The following BANK1 variants were observed in gnomAD, a reference collection of about 807,000 sequenced individuals.
The protein encoded by BANK1 is B cell scaffold protein with ankyrin repeats 1, also known as B-cell scaffold protein with ankyrin repeats.
A neutral mutation model predicts 94.5 loss-of-function variants in BANK1; 95 were observed. The ratio of observed to expected loss-of-function variants is 1.00; its 90% CI spans 0.85 to 1.19. The LOEUF is 1.19. Among genes scored for constraint, BANK1 ranks in the 50% most tolerant of loss-of-function variants. BANK1 has a pLI of 0.00. For synonymous variants in BANK1, 334 were observed against 308.4 expected (o/e 1.08, Z -0.87); for missense variants, 987 against 932.2 (o/e 1.06, Z -0.77).
chr4:102,063,064 T>C lies in BANK1; in HGVS notation c.2149-11T>C. ...AAATCATAACTATGTCCTGGTTGTT[T>C]CCACATTAAGGAGAAATTACGACAA... On this transcript the variant is annotated splice_polypyrimidine_tract_variant and intron_variant, in intron 12 of 16. Transcript: ENST00000322953. 1 of 1,611,856 alleles carries C rather than the reference T, an allele frequency of 6.2e-7. No individual in the cohort carries two copies. Among genetic ancestry groups the C allele is most frequent in the South Asian group, 1.1e-5 (1 of 90,972 alleles).
At chr4:101,905,941 T>C (rs1722433601) in intron 6 of BANK1, among the ~76,000 whole-genome samples, 1 of 152,046 alleles carries the variant, frequency 6.6e-6, no homozygotes. Context: ...TGTTCCCCAC[T>C]TGAAGTGATT....
chr4:102,071,199 T>A (rs1004623616), intron 13 of BANK1, 76 bp from the exon 14 acceptor site: 3 of 1,495,416 alleles, frequency 2.0e-6, no homozygotes, highest in Non-Finnish European at 2.8e-6. Flanking sequence ...AGTCCAACAA[T>A]TAAAAAAATA....
intron 7 of BANK1, among the ~76,000 whole-genome samples, chr4:101,928,711 G>C (rs1007740150): frequency 6.6e-6 from 1 of 151,628 alleles, no homozygotes; most frequent in African/African-American, 2.4e-5. Context: ...ATTTGAAGGG[G>C]AGAATGCCAA....
At chr4:101,955,969 T>C (rs1472007563) in intron 7 of BANK1, among the ~76,000 whole-genome samples, 2 of 152,178 alleles carry the variant, frequency 1.3e-5, no homozygotes, top group Non-Finnish European at 2.9e-5. Context: ...CAGCACAATA[T>C]TTGTATAGTG....
At chr4:102,010,993 T>G (rs1010461794) in intron 7 of BANK1, among the ~76,000 whole-genome samples, 2 of 152,216 alleles carry the variant, frequency 1.3e-5, no homozygotes, top group South Asian at 4.1e-4. Context: ...CCTTAAACAG[T>G]TTCAGAAGCA....
intron 7 of BANK1, among the ~76,000 whole-genome samples, chr4:101,929,220 T>C (rs1016180257): frequency 6.6e-5 from 10 of 151,742 alleles, no homozygotes; most frequent in African/African-American, 2.4e-4. Context: ...AGTCTACATC[T>C]GATGTGTTAG....
intron 7 of BANK1, among the ~76,000 whole-genome samples, chr4:101,980,304 T>C (rs59405697): frequency 9.3e-4 from 142 of 152,026 alleles, no homozygotes; most frequent in African/African-American, 3.1e-3. Flanking sequence ...TTTATCTTGG[T>C]TGAGTAAGTG....
In BANK1 at chr4:101,975,106, G is replaced by A. The variant is rs1369398203; in HGVS notation, c.1207-46408G>A. On this transcript the variant is annotated intron_variant, in intron 7 of 16. Coordinates refer to ENST00000322953, the MANE Select transcript of BANK1 (RefSeq NM_017935.5). ...CTGCTTTATTCTAAAGCCATTTTCA[G>A]AGATGTCAGTGGAAAAATTCTCCAA... Among the ~76,000 whole-genome samples the A allele has an allele frequency of 2.9e-4, 44 of 152,124 alleles. 3 individuals carry two copies.
chr4:101,790,997 C>T (rs1674037814), intron 1 of BANK1, 47 bp downstream of exon 1: 6 of 1,402,422 alleles, frequency 4.3e-6, no homozygotes, highest in Non-Finnish European at 5.6e-6. Context: ...GGCCGGGCTA[C>T]GGGGCTCTGC....
intron 7 of BANK1, among the ~76,000 whole-genome samples, chr4:101,976,492 T>A (rs1329359620): frequency 1.3e-5 from 2 of 152,190 alleles, no homozygotes; most frequent in African/African-American, 2.4e-5. Flanking sequence ...ATCCTGACAT[T>A]TTCTTTAATT....
chr4:101,975,627 A>G (rs554597830), intron 7 of BANK1, among the ~76,000 whole-genome samples: 2 of 152,290 alleles, frequency 1.3e-5, no homozygotes, highest in Admixed American at 1.3e-4. Context: ...CAAGGACTAA[A>G]TGAGTTAATG....
intron 7 of BANK1, among the ~76,000 whole-genome samples, chr4:101,931,768 C>A (rs1025892393): frequency 6.6e-6 from 1 of 151,280 alleles, no homozygotes; most frequent in Non-Finnish European, 1.5e-5. Context: ...TTAATCATAT[C>A]GTGTTACAGT....
intron 7 of BANK1, among the ~76,000 whole-genome samples, chr4:101,959,351 G>A (rs1724487342): frequency 6.6e-6 from 1 of 151,958 alleles, no homozygotes; most frequent in African/African-American, 2.4e-5. Flanking sequence ...TATTGGCCAG[G>A]CTGGTCTCAA....
intron 7 of BANK1, among the ~76,000 whole-genome samples, chr4:101,954,019 G>A (rs1373388745): frequency 1.3e-5 from 2 of 152,024 alleles, no homozygotes; most frequent in Non-Finnish European, 2.9e-5. Flanking sequence ...TCTTTCTGGA[G>A]ACCCGAGGAA....
At chr4:101,932,215 G>T (rs1723374907) in intron 7 of BANK1, among the ~76,000 whole-genome samples, 1 of 151,426 alleles carries the variant, frequency 6.6e-6, no homozygotes, top group African/African-American at 2.4e-5. Context: ...AGTAGCAAAA[G>T]ATTTTCCACC....
intron 1 of BANK1, among the ~76,000 whole-genome samples, chr4:101,829,156 C>T (rs370526819): frequency 1.4e-4 from 21 of 152,088 alleles, no homozygotes; most frequent in Non-Finnish European, 1.8e-4. Context: ...GCCACCGCGC[C>T]GGGCAAGATC....
intron 1 of BANK1, among the ~76,000 whole-genome samples, chr4:101,798,596 A>G (rs946581020): frequency 4.6e-5 from 7 of 152,210 alleles, no homozygotes; most frequent in African/African-American, 1.7e-4. Context: ...AAGTGTTCCT[A>G]TTTCTCCATA....
At chr4:101,853,227 A>G (rs1381589133) in intron 2 of BANK1, among the ~76,000 whole-genome samples, 1 of 152,242 alleles carries the variant, frequency 6.6e-6, no homozygotes, top group Non-Finnish European at 1.5e-5. Flanking sequence ...CATAAGACAG[A>G]AGAAAACAAG....
chr4:102,012,681 T>C (rs1363035616), intron 7 of BANK1, among the ~76,000 whole-genome samples: 1 of 152,170 alleles, frequency 6.6e-6, no homozygotes, highest in Non-Finnish European at 1.5e-5. Flanking sequence ...AGTTGCTTGC[T>C]CCTCTGTGTT....
Sources: gnomAD v4.1 joint callset for allele counts (sites outside exome capture counted in the v4.1 genomes callset) on GRCh38, gnomAD v4.1.1 for gene constraint, MANE v1.5 for transcripts, NCBI Gene and HGNC (gene_info 2026-07-23, HGNC 2026-07-21) for gene names.